PRKCSH: variants seen among roughly 807,000 people sequenced by gnomAD.
PRKCSH encodes glucosidase 2 subunit beta.
PRKCSH carries 42 observed loss-of-function variants against 79.7 expected under a neutral mutation model. The observed-to-expected ratio is 0.53, with a 90% CI of 0.41 to 0.68. The LOEUF is 0.68. Among genes scored for constraint, PRKCSH ranks in the 30% least tolerant of loss-of-function variants. PRKCSH has a pLI of 0.00. For synonymous variants in PRKCSH, 325 were observed against 288.2 expected, an observed-to-expected ratio of 1.13 and a Z score of -1.29; for missense variants, 686 against 709.0, an observed-to-expected ratio of 0.97 and a Z score of 0.37.
At position 11,436,159 on chromosome 19, in the gene PRKCSH, C is replaced by G. The variant is rs769113566; in HGVS notation, c.42C>G (p.Ala14=). Residue 14 remains alanine, a synonymous_variant, in exon 2 of 18, where the codon GCC becomes GCG. Transcript: ENST00000677123. The part of the protein sequence containing the change: ...PLLLLLPMCW[A]VEVKRPRGVS... ...TGCTGCTGCTACCCATGTGCTGGGCCGTGGAGGTCAAGAGGCCCCGGGGCG... is the reference window on the plus strand; with the variant it reads ...TGCTGCTGCTACCCATGTGCTGGGCGGTGGAGGTCAAGAGGCCCCGGGGCG... 4 of 1,602,580 alleles carry G rather than the reference C, an allele frequency of 2.5e-6. No homozygotes were observed. Among genetic ancestry groups the G allele is most frequent in the South Asian group, 1.1e-5 (1 of 89,826 alleles).
chr19:11,445,671 G>T, intron 8 of PRKCSH, 198 bp downstream of exon 8: 3 of 645,610 alleles, frequency 4.6e-6, no homozygotes, highest in Non-Finnish European at 8.4e-6. Flanking sequence ...GGAGATAGGG[G>T]GACCACCCTC....
chr19:11,445,527 C>T (rs1970255182), intron 8 of PRKCSH, 54 bp downstream of exon 8: 10 of 1,558,046 alleles, frequency 6.4e-6, no homozygotes, highest in African/African-American at 1.4e-5. Flanking sequence ...GGGTTTCCCT[C>T]CCCGCCACCC....
chr19:11,447,802 G>A lies in PRKCSH; in HGVS notation c.1126+13G>A, dbSNP rs777463127. 26 of 1,553,486 alleles carry A rather than the reference G, an allele frequency of 1.7e-5. No homozygotes were observed. In the Middle Eastern group the frequency reaches 6.7e-4, roughly 40 times the overall value. On this transcript the variant is annotated intron_variant, in intron 12 of 17. Coordinates refer to ENST00000677123, the MANE Select transcript of PRKCSH (RefSeq NM_001289104.2). This position sits in a 1 kb window ranked among gnomAD's most constrained non-coding sequence, Gnocchi z 5.6. ...GCCTTCATCGATGGTGAGGGTGGGC[G>A]GGGGCCAGGCTCCTCGGGTGGGCCC...
At position 11,445,507 on chromosome 19, in the gene PRKCSH, C is replaced by G. The variant is rs554936215; in HGVS notation, c.683+34C>G. ...CCCCTAGTTGGAGCTGCCCACCTTTCCGTGGGCCTGGGTTTCCCTCCCCGC... is the reference window on the plus strand; with the variant it reads ...CCCCTAGTTGGAGCTGCCCACCTTTGCGTGGGCCTGGGTTTCCCTCCCCGC... On this transcript the variant is annotated intron_variant, in intron 8 of 17. Transcript: ENST00000677123. 3 of 1,600,088 alleles carry G rather than the reference C, an allele frequency of 1.9e-6. No individual in the cohort carries two copies. The African/African-American group carries it at 4.0e-5, about 21-fold the overall frequency.
intron 5 of PRKCSH, among the ~76,000 whole-genome samples, chr19:11,438,709 C>A (rs1232471237): frequency 1.4e-5 from 2 of 148,072 alleles, no homozygotes; most frequent in Non-Finnish European, 3.0e-5. Context: ...GAGCCGAGAT[C>A]GCACCACTGC....
In PRKCSH at chr19:11,436,164, A is replaced by T. The variant is rs1242019791; in HGVS notation, c.47A>T (p.Glu16Val). ...LLLLPMCWAV[E>V]VKRPRGVSLT... ...CTGCTACCCATGTGCTGGGCCGTGGAGGTCAAGAGGCCCCGGGGCGTCTCC... is the reference window on the plus strand; with the variant it reads ...CTGCTACCCATGTGCTGGGCCGTGGTGGTCAAGAGGCCCCGGGGCGTCTCC... The change falls in exon 2 of 18, where the codon GAG becomes GTG. Residue 16 changes from glutamate (E) to valine (V), a missense_variant. Physicochemically the swap from Glu to Val is moderately radical, Grantham distance 121. Around this residue, in one of 2 missense-constraint regions of PRKCSH, gnomAD observed 549 missense variants for 520.2 expected, o/e 1.06. Coordinates refer to ENST00000677123, the MANE Select transcript of PRKCSH (RefSeq NM_001289104.2). 6.3e-7 allele frequency: 1 copy of T among 1,599,716 alleles called. No homozygotes were observed. Among genetic ancestry groups the T allele is most frequent in the Non-Finnish European group, 8.5e-7 (1 of 1,174,712 alleles).
rs1275645406 is a variant in PRKCSH at position 11,438,275 on chromosome 19, C to T, written c.350+151C>T. 5 of 890,484 alleles carry T rather than the reference C, an allele frequency of 5.6e-6. No homozygotes were observed. In the Admixed American group the frequency reaches 6.0e-5, roughly 11 times the overall value. The allele number at this position is 890,484 out of a possible 1,614,324, so 55.2% of individuals were successfully genotyped here. On this transcript the variant is annotated intron_variant, in intron 5 of 17. Transcript: ENST00000677123. ...TGTGAATCCTAATCCCCACCTTTCC[C>T]TCTAGTCTGGAAGCAGGTAGGATTG...
intron 6 of PRKCSH, 77 bp downstream of exon 6, chr19:11,441,434 G>T: frequency 7.1e-7 from 1 of 1,413,488 alleles, no homozygotes; most frequent in South Asian, 1.2e-5. Context: ...AGGCTGGGGA[G>T]GGGTTTGCCC....
intron 9 of PRKCSH, 104 bp from the exon 10 acceptor site, chr19:11,446,970 G>C (rs1232625417): frequency 1.6e-6 from 2 of 1,275,226 alleles, no homozygotes; most frequent in South Asian, 2.4e-5. Flanking sequence ...TCAGGGCCCG[G>C]GGCCCAGCCC....
chr19:11,446,245 C>T (rs754410651), intron 8 of PRKCSH, 27 bp from the exon 9 acceptor site: 3 of 1,611,154 alleles, frequency 1.9e-6, no homozygotes, highest in Non-Finnish European at 1.7e-6. Flanking sequence ...CTCACCCCTC[C>T]AGTCTGCTTC....
chr19:11,442,433 G>T lies in PRKCSH; in HGVS notation c.516G>T (p.Gln172His). The T allele has an allele frequency of 6.2e-7, 1 of 1,611,778 alleles. No individual in the cohort carries two copies. Among genetic ancestry groups the T allele is most frequent in the Non-Finnish European group, 8.5e-7 (1 of 1,179,140 alleles). The change falls in exon 7 of 18, where the codon CAG becomes CAT. Residue 172 changes from glutamine (Q) to histidine (H), a missense_variant. Physicochemically the swap from Gln to His is conservative, Grantham distance 24. Transcript: ENST00000677123. ...LQAGKKSLED[Q>H]VEMLRTVKEE... ...CTGGGAAGAAGTCTCTGGAAGACCA[G>T]GTGGAGATGCTGCGGACAGTGAAGG...
chr19:11,447,705 C>T lies in PRKCSH; in HGVS notation c.1042C>T (p.Pro348Ser). ...GCCCCTGCCCCAGGAGGCCCCACCGCCACTGTCACCCCCGCAGCCGGCCAG... is the reference window on the plus strand; with the variant it reads ...GCCCCTGCCCCAGGAGGCCCCACCGTCACTGTCACCCCCGCAGCCGGCCAG... ...QGEQPKEAPP[P>S]LSPPQPASPA... Residue 348 changes from proline to serine, a missense_variant, in exon 12 of 18, where the codon CCA becomes TCA. This residue lies in a region of PRKCSH where 549 missense variants were observed against 520.2 expected (regional missense o/e 1.06). Transcript: ENST00000677123. The surrounding 1 kb of genome is among the most constrained non-coding windows in gnomAD (Gnocchi z 5.6). 6.3e-7 allele frequency: 1 copy of T among 1,582,076 alleles called. No individual in the cohort carries two copies.
At chr19:11,437,822 A>T in intron 3 of PRKCSH, 54 bp from the exon 4 acceptor site, 1 of 1,473,362 alleles carries the variant, frequency 6.8e-7, no homozygotes, top group Non-Finnish European at 9.5e-7. Context: ...GATGGATGGG[A>T]CATGTCTGTC....
intron 6 of PRKCSH, among the ~76,000 whole-genome samples, chr19:11,441,736 G>C (rs1970071922): frequency 6.6e-6 from 1 of 152,174 alleles, no homozygotes; most frequent in Non-Finnish European, 1.5e-5. Context: ...ACGTCAGCCA[G>C]TAGCAGCTGG....
Position 11,441,293 on chromosome 19 carries a change from G to A in PRKCSH, c.404G>A (p.Arg135His), listed in dbSNP as rs886054197. ...ESLQQMAEVTREGFRLKKILI... is the reference protein window; with the variant it reads ...ESLQQMAEVTHEGFRLKKILI... ...CTGCAGCAGATGGCCGAGGTCACCC[G>A]CGAAGGGTTCCGTCTGAAGAAGATC... Residue 135 changes from arginine (R) to histidine (H), a missense_variant, in exon 6 of 18, where the codon CGC becomes CAC. By Grantham distance (29) the Arg-to-His change is conservative. Coordinates refer to ENST00000677123, the MANE Select transcript of PRKCSH (RefSeq NM_001289104.2). 4.3e-6 allele frequency: 7 copies of A among 1,613,996 alleles called. No homozygotes were observed. Among genetic ancestry groups the A allele is most frequent in the Non-Finnish European group, 5.9e-6 (7 of 1,180,002 alleles).
Position 11,435,696 on chromosome 19 carries a change from T to C in PRKCSH, c.-88T>C, listed in dbSNP as rs992982896. On this transcript the variant is annotated 5_prime_UTR_variant, in exon 1 of 18. Transcript: ENST00000677123. ...GGGTGCGGTGGATACTGACCTTTGC[T>C]CCGGCCTCGTGTAGGTGTGAACGAG... 8 of 1,313,158 alleles carry C rather than the reference T, an allele frequency of 6.1e-6. No homozygotes were observed. Among genetic ancestry groups the C allele is most frequent in the East Asian group, 5.1e-5 (1 of 19,504 alleles). 81.3% of individuals were successfully genotyped at this position (1,313,158 alleles called of 1,614,324 possible). A position where few individuals can be genotyped will look rare whatever the true frequency, so the allele number is the denominator to read the frequency against.
intron 8 of PRKCSH, 123 bp from the exon 9 acceptor site, chr19:11,446,149 G>C: frequency 9.8e-7 from 1 of 1,016,894 alleles, no homozygotes; most frequent in Non-Finnish European, 1.5e-6. Flanking sequence ...CCTACACCTT[G>C]AGGTCCTGAA....
Position 11,449,592 on chromosome 19 carries a change from G to A in PRKCSH, c.*16+164G>A. ...GAGTCTCACTCTTTGGCCCAGGCTG[G>A]AGTGCAGTGATGCGACCTCAGCTGA... On this transcript the variant is annotated intron_variant, in intron 17 of 17. Coordinates refer to ENST00000677123, the MANE Select transcript of PRKCSH (RefSeq NM_001289104.2). This position sits in a 1 kb window ranked among gnomAD's most constrained non-coding sequence, Gnocchi z 6.4. The A allele has an allele frequency of 1.1e-6, 1 of 932,414 alleles. No homozygotes were observed. The highest frequency in any genetic ancestry group is 1.6e-6 in the Non-Finnish European group (1 of 626,202). 57.8% of individuals were successfully genotyped at this position (932,414 alleles called of 1,614,324 possible).
chr19:11,436,924 C>T (rs940650630), intron 3 of PRKCSH, among the ~76,000 whole-genome samples: 4 of 152,188 alleles, frequency 2.6e-5, no homozygotes, highest in South Asian at 2.1e-4. Context: ...GTGGCATGAT[C>T]GTAGCTCACT....
Sources: allele counts gnomAD v4.1 joint callset (sites outside exome capture counted in the v4.1 genomes callset), GRCh38; gene constraint gnomAD v4.1.1; regional missense constraint gnomAD v4.1.1; non-coding constraint Gnocchi (gnomAD v3.1); transcripts MANE v1.5; gene names NCBI Gene and HGNC (gene_info 2026-07-23, HGNC 2026-07-21).